MYOCD: variants seen among roughly 807,000 people sequenced by gnomAD.
MYOCD encodes myocardin.
A neutral mutation model predicts 96.1 loss-of-function variants in MYOCD; 32 were observed. The observed-to-expected ratio is 0.33, with a 90% confidence interval of 0.25 to 0.45. The LOEUF is 0.45. MYOCD is among the 20% of genes least tolerant of loss of function. The probability of loss-of-function intolerance (pLI) is 1.00; values close to 1 mark genes in which losing one functional copy is unlikely to be tolerated. For missense variants in MYOCD, 1,133 were observed against 1,200.6 expected (o/e 0.94, Z 0.83); for synonymous variants, 469 against 469.0 (o/e 1.00, Z 0.00).
chr17:12,767,533 C>T lies in MYOCD; in HGVS notation c.*3889C>T, dbSNP rs372361364. On this transcript the variant is annotated 3_prime_UTR_variant, in exon 14 of 14. Coordinates refer to ENST00000425538, the MANE Select transcript of MYOCD (RefSeq NM_001146312.3). ...GCACAGATTGTTCAGATTTGAATGA[C>T]CAGGGAGTTGTATTTGCACATGCAA... 1.3e-5 allele frequency: 2 copies of T among 152,056 alleles called. No homozygotes were observed. The highest frequency in any genetic ancestry group is 4.2e-4 in the South Asian group (2 of 4,818). The allele number at this position is 152,056 out of a possible 1,614,324, so 9.4% of individuals were successfully genotyped here. A position where few individuals can be genotyped will look rare whatever the true frequency, so the allele number is the denominator to read the frequency against.
At chr17:12,721,669 A>T (rs993494133) in intron 4 of MYOCD, among the ~76,000 whole-genome samples, 4 of 152,192 alleles carry the variant, frequency 2.6e-5, no homozygotes, top group African/African-American at 9.6e-5. Flanking sequence ...CAGTCTTGAA[A>T]AACTGGACTG....
chr17:12,746,668 G>A (rs951402094), intron 9 of MYOCD, among the ~76,000 whole-genome samples: 4 of 151,548 alleles, frequency 2.6e-5, no homozygotes, highest in African/African-American at 9.7e-5. Flanking sequence ...ATCATTGGCT[G>A]GTGAGAGTTA....
intron 11 of MYOCD, among the ~76,000 whole-genome samples, chr17:12,757,294 A>G (rs2033039772): frequency 6.6e-6 from 1 of 152,152 alleles, no homozygotes; most frequent in African/African-American, 2.4e-5. Flanking sequence ...CCTGACATAA[A>G]AGTGCCACAT....
intron 10 of MYOCD, 143 bp downstream of exon 10, chr17:12,753,489 C>A (rs2032922731): frequency 2.6e-6 from 2 of 771,874 alleles, no homozygotes; most frequent in African/African-American, 1.8e-5. Flanking sequence ...ACACTACAAT[C>A]CTTGAATCCT....
chr17:12,682,881 CA>C lies in MYOCD; in HGVS notation c.55+16640del, dbSNP rs1177515870. ...TCTGCCACCACGGGATGCCCCTCTT[CA>C]ACAATTATCATATGGAACCTCTTTG... On this transcript the variant is annotated intron_variant, in intron 1 of 13. Coordinates refer to ENST00000425538, the MANE Select transcript of MYOCD (RefSeq NM_001146312.3). Among the ~76,000 whole-genome samples the C allele has an allele frequency of 7.2e-5, 11 of 152,296 alleles. No individual in the cohort carries two copies. The East Asian group carries it at 2.1e-3, about 29-fold the overall frequency.
At chr17:12,751,969 AGGTT>A (rs2032864078) in intron 9 of MYOCD, among the ~76,000 whole-genome samples, 1 of 152,166 alleles carries the variant, frequency 6.6e-6, no homozygotes, top group Admixed American at 6.5e-5. Context: ...GCGCATGTTC[AGGTT>A]TGAGGAAGAG....
intron 1 of MYOCD, among the ~76,000 whole-genome samples, chr17:12,687,289 G>A (rs2030173539): frequency 6.6e-6 from 1 of 152,130 alleles, no homozygotes. Flanking sequence ...AGAGTCTGGA[G>A]CCCAGAGAGA....
At chr17:12,726,588 C>T (rs1044864053) in intron 5 of MYOCD, among the ~76,000 whole-genome samples, 3 of 152,154 alleles carry the variant, frequency 2.0e-5, no homozygotes, top group Non-Finnish European at 2.9e-5. Flanking sequence ...CAGCCATTTC[C>T]AGCACTGCCT....
intron 1 of MYOCD, among the ~76,000 whole-genome samples, chr17:12,667,265 G>A (rs1171561470): frequency 6.6e-6 from 1 of 152,192 alleles, no homozygotes; most frequent in Non-Finnish European, 1.5e-5. Context: ...GGGAGGTAAG[G>A]TTCATCTGTG....
chr17:12,736,391 C>T (rs1289873177), intron 6 of MYOCD, 55 bp downstream of exon 6: 8 of 1,565,986 alleles, frequency 5.1e-6, no homozygotes, highest in East Asian at 4.5e-5. Context: ...AGTGTATTAT[C>T]GTTTCAGTCT....
intron 1 of MYOCD, among the ~76,000 whole-genome samples, chr17:12,693,683 TAAGGTGCTCCCTACCAGACATG>T (rs2030595792): frequency 6.8e-6 from 1 of 146,994 alleles, no homozygotes; most frequent in Non-Finnish European, 1.5e-5. Context: ...TAAAATAAAA[TAAGGTGCTCCCTACCAGACATG>T]AAAATATATA....
At chr17:12,705,249 C>A (rs2031242997) in intron 2 of MYOCD, 56 bp downstream of exon 2, 2 of 1,291,888 alleles carry the variant, frequency 1.5e-6, no homozygotes, top group Non-Finnish European at 2.2e-6. Context: ...CATTTGGGAG[C>A]TGGAAAGTGC....
rs115936253 is a variant in MYOCD at position 12,670,347 on chromosome 17, A to G, written c.55+4104A>G. Among the ~76,000 whole-genome samples, 1,086 of 152,248 alleles carry G rather than the reference A, an allele frequency of 7.1e-3. 17 individuals carry two copies. Among genetic ancestry groups the G allele is most frequent in the African/African-American group, 0.025 (1,025 of 41,548 alleles). On this transcript the variant is annotated intron_variant, in intron 1 of 13. Transcript: ENST00000425538. ...GACATCTCAGCAAGACCCTGCAGTC[A>G]TCTCTCTCTGTCGTTTCTCTATTCT... is the stretch of plus-strand genomic sequence containing the variant.
chr17:12,763,629 C>T lies in MYOCD; in HGVS notation c.2946C>T (p.His982=). ...DLNLNSSMDL[H]LQQW ...ATTTGAATTCTTCCATGGACCTTCA[C>T]TTGCAGCAGTGGTAGAATGCCCAAT... The change falls in exon 14 of 14, where the codon CAC becomes CAT. Residue 982 remains histidine, a synonymous_variant. Transcript: ENST00000425538. 2 of 1,610,852 alleles carry T rather than the reference C, an allele frequency of 1.2e-6. No homozygotes were observed. The highest frequency in any genetic ancestry group is 1.7e-4 in the Middle Eastern group (1 of 6,036).
intron 1 of MYOCD, among the ~76,000 whole-genome samples, chr17:12,681,277 C>T (rs1351677248): frequency 6.6e-6 from 1 of 152,174 alleles, no homozygotes; most frequent in Admixed American, 6.5e-5. Context: ...CATCGTAAGG[C>T]ATTTCCACTT....
intron 4 of MYOCD, among the ~76,000 whole-genome samples, chr17:12,721,021 T>TA (rs760458241): frequency 0.041 from 4,359 of 107,472 alleles, 122 homozygotes; most frequent in African/African-American, 0.065. Flanking sequence ...GACTCTGTCT[T>TA]AAAAAAAAAA....
chr17:12,676,090 A>G (rs1031107184), intron 1 of MYOCD, among the ~76,000 whole-genome samples: 1 of 152,206 alleles, frequency 6.6e-6, no homozygotes, highest in Non-Finnish European at 1.5e-5. Context: ...GTGGGGAAAA[A>G]AAAACGTATC....
intron 7 of MYOCD, among the ~76,000 whole-genome samples, chr17:12,741,127 A>G (rs1261422785): frequency 6.6e-6 from 1 of 152,148 alleles, no homozygotes. Context: ...CTCTTACGGG[A>G]CTTAAAAAAG....
chr17:12,763,788 CAA>C lies in MYOCD; in HGVS notation c.*147_*148del, dbSNP rs775688276. 3 of 743,768 alleles carry C rather than the reference CAA, an allele frequency of 4.0e-6. No homozygotes were observed. The highest frequency in any genetic ancestry group is 2.2e-5 in the South Asian group (1 of 44,632). The allele number at this position is 743,768 out of a possible 1,614,324, so 46.1% of individuals were successfully genotyped here. On this transcript the variant is annotated 3_prime_UTR_variant, in exon 14 of 14. Coordinates refer to ENST00000425538, the MANE Select transcript of MYOCD (RefSeq NM_001146312.3). ...TGATTTCTGTGCCAATGAACAAGAA[CAA>C]AAGTCATTTTTAGAAATACATATAC...
Sources: gnomAD v4.1 joint callset for allele counts (sites outside exome capture counted in the v4.1 genomes callset) on GRCh38, gnomAD v4.1.1 for gene constraint, MANE v1.5 for transcripts, NCBI Gene and HGNC (gene_info 2026-07-23, HGNC 2026-07-21) for gene names.